ARB2A: variants seen among roughly 807,000 people sequenced by gnomAD.
ARB2A encodes cotranscriptional regulator ARB2A.
the ARB2A span, among the ~76,000 whole-genome samples, chr5:93,774,510 T>C: frequency 6.6e-6 from 1 of 152,232 alleles, no homozygotes; most frequent in Non-Finnish European, 1.5e-5. Flanking sequence ...TCATCCATTC[T>C]TAATTAAGGT....
the ARB2A span, among the ~76,000 whole-genome samples, chr5:94,043,883 T>C: frequency 6.6e-6 from 1 of 152,270 alleles, no homozygotes; most frequent in African/African-American, 2.4e-5. Context: ...CTGCACTTTA[T>C]ACAAATAATC....
the ARB2A span, among the ~76,000 whole-genome samples, chr5:93,717,882 T>A: frequency 6.6e-6 from 1 of 150,900 alleles, no homozygotes; most frequent in Non-Finnish European, 1.5e-5. Flanking sequence ...TCACACAGGC[T>A]GGAGTGCAGT....
chr5:94,097,757 C>T, the ARB2A span, among the ~76,000 whole-genome samples: 2 of 152,074 alleles, frequency 1.3e-5, no homozygotes, highest in Admixed American at 6.6e-5. Flanking sequence ...CATCAGCACA[C>T]ACCCGCCCAC....
the ARB2A span, among the ~76,000 whole-genome samples, chr5:93,906,852 G>A: frequency 6.6e-6 from 1 of 151,424 alleles, no homozygotes; most frequent in Non-Finnish European, 1.5e-5. Flanking sequence ...TGAATCTTCA[G>A]TACACAAGAA....
the ARB2A span, among the ~76,000 whole-genome samples, chr5:94,045,117 C>CA: frequency 9.0e-5 from 7 of 77,392 alleles, no homozygotes; most frequent in African/African-American, 2.9e-4. Context: ...GACTCCATCT[C>CA]AAAAAAAAAA....
chr5:93,873,094 G>A, the ARB2A span, among the ~76,000 whole-genome samples: 1 of 152,010 alleles, frequency 6.6e-6, no homozygotes, highest in African/African-American at 2.4e-5. Flanking sequence ...ATAGGTTCAT[G>A]TAAACAAATA....
the ARB2A span, among the ~76,000 whole-genome samples, chr5:94,023,534 C>T: frequency 6.6e-6 from 1 of 152,184 alleles, no homozygotes; most frequent in Non-Finnish European, 1.5e-5. Context: ...GCCAACACCA[C>T]CTCTGCTTTG....
the ARB2A span, among the ~76,000 whole-genome samples, chr5:94,009,345 A>G: frequency 6.6e-6 from 1 of 152,072 alleles, no homozygotes; most frequent in African/African-American, 2.4e-5. Flanking sequence ...CAATATATCA[A>G]TAATTTACCC....
chr5:93,725,769 G>T, the ARB2A span, among the ~76,000 whole-genome samples: 1 of 152,056 alleles, frequency 6.6e-6, no homozygotes, highest in Non-Finnish European at 1.5e-5. Context: ...CCCTTAAAAA[G>T]ATTAAATTGG....
At chr5:93,779,779 T>G in the ARB2A span, among the ~76,000 whole-genome samples, 1 of 152,228 alleles carries the variant, frequency 6.6e-6, no homozygotes, top group Non-Finnish European at 1.5e-5. Flanking sequence ...GTTTTCAGTT[T>G]AAACATTTTT....
chr5:93,977,422 T>C, the ARB2A span, among the ~76,000 whole-genome samples: 1 of 152,022 alleles, frequency 6.6e-6, no homozygotes, highest in Non-Finnish European at 1.5e-5. Flanking sequence ...AATAGATACA[T>C]AGGCCAATGG....
At chr5:93,786,398 C>T in the ARB2A span, among the ~76,000 whole-genome samples, 2 of 152,180 alleles carry the variant, frequency 1.3e-5, no homozygotes, top group Non-Finnish European at 2.9e-5. Context: ...AGTGATAACA[C>T]GCAATTTATC....
At chr5:94,085,250 A>G in the ARB2A span, among the ~76,000 whole-genome samples, 1 of 152,250 alleles carries the variant, frequency 6.6e-6, no homozygotes, top group African/African-American at 2.4e-5. Context: ...CTGTAACTAC[A>G]TAACAAATTA....
the ARB2A span, among the ~76,000 whole-genome samples, chr5:93,667,349 A>T: frequency 6.6e-6 from 1 of 152,204 alleles, no homozygotes; most frequent in African/African-American, 2.4e-5. Flanking sequence ...CCTAATGGGT[A>T]CTAATCATAC....
chr5:93,708,710 G>C, the ARB2A span, among the ~76,000 whole-genome samples: 65 of 152,088 alleles, frequency 4.3e-4, no homozygotes, highest in African/African-American at 1.5e-3. Flanking sequence ...CTGGTCCATG[G>C]CCTCTGGGTT....
At chr5:93,828,587 T>C in the ARB2A span, among the ~76,000 whole-genome samples, 3 of 152,182 alleles carry the variant, frequency 2.0e-5, no homozygotes, top group African/African-American at 7.2e-5. Flanking sequence ...CAACAATCTC[T>C]AGCCTAGCCT....
the ARB2A span, among the ~76,000 whole-genome samples, chr5:93,955,694 A>C: frequency 6.6e-6 from 1 of 152,242 alleles, no homozygotes; most frequent in Admixed American, 6.5e-5. Flanking sequence ...TATAACTGCC[A>C]TCAAGTTCTA....
the ARB2A span, among the ~76,000 whole-genome samples, chr5:93,770,130 A>C: frequency 6.6e-6 from 1 of 152,186 alleles, no homozygotes; most frequent in Non-Finnish European, 1.5e-5. Context: ...CGAAGGTATC[A>C]GGGCTAAGAT....
chr5:93,941,683 T>A, the ARB2A span, among the ~76,000 whole-genome samples: 8 of 152,182 alleles, frequency 5.3e-5, no homozygotes, highest in Non-Finnish European at 1.2e-4. Flanking sequence ...TAACCAATAT[T>A]TTTCATGTAA....
Sources: gnomAD v4.1 joint callset for allele counts (sites outside exome capture counted in the v4.1 genomes callset) on GRCh38, gnomAD v4.1.1 for gene constraint, MANE v1.5 for transcripts, NCBI Gene and HGNC (gene_info 2026-07-23, HGNC 2026-07-21) for gene names.